Variants in TAFA1 observed in about 807,000 individuals in gnomAD.
The protein encoded by TAFA1 is chemokine-like protein TAFA-1.
Under a neutral mutation model 18.5 loss-of-function variants are expected in TAFA1, and 4 were observed. That is an observed-to-expected ratio of 0.22 (90% confidence interval 0.11 to 0.49). The LOEUF (loss-of-function observed/expected upper bound fraction) is 0.49. TAFA1 is among the 20% of genes least tolerant of loss of function. The probability of loss-of-function intolerance (pLI) is 0.98; values close to 1 mark genes in which losing one functional copy is unlikely to be tolerated. For missense variants in TAFA1, 147 were observed against 169.0 expected (o/e 0.87, Z 0.72); for synonymous variants, 56 against 55.2 (o/e 1.01, Z -0.06).
intron 2 of TAFA1, among the ~76,000 whole-genome samples, chr3:68,026,765 C>T (rs1460735278): frequency 6.6e-6 from 1 of 152,248 alleles, no homozygotes; most frequent in Middle Eastern, 3.4e-3. Context: ...CTTCTATGTA[C>T]CTTGTTTCTG....
chr3:68,054,012 A>T (rs1410147562), intron 2 of TAFA1, among the ~76,000 whole-genome samples: 1 of 152,150 alleles, frequency 6.6e-6, no homozygotes, highest in Admixed American at 6.6e-5. Context: ...ACCTACTTTT[A>T]CATTTTAAAA....
chr3:68,505,732 T>G (rs2072737866), intron 3 of TAFA1, among the ~76,000 whole-genome samples: 1 of 152,130 alleles, frequency 6.6e-6, no homozygotes, highest in Non-Finnish European at 1.5e-5. Flanking sequence ...TGCAATTCCC[T>G]GCCACAAGAC....
intron 2 of TAFA1, among the ~76,000 whole-genome samples, chr3:68,164,374 T>TA (rs2065959238): frequency 6.6e-6 from 1 of 152,222 alleles, no homozygotes; most frequent in South Asian, 2.1e-4. Flanking sequence ...TGTTGTAACT[T>TA]ATGCTATCAC....
intron 2 of TAFA1, among the ~76,000 whole-genome samples, chr3:68,150,295 C>T (rs2106919678): frequency 6.6e-6 from 1 of 152,254 alleles, no homozygotes; most frequent in African/African-American, 2.4e-5. Flanking sequence ...GTTTAATCAC[C>T]ACACTCAGAG....
intron 3 of TAFA1, among the ~76,000 whole-genome samples, chr3:68,480,335 G>A (rs976664378): frequency 3.9e-5 from 6 of 152,046 alleles, no homozygotes; most frequent in Admixed American, 6.5e-5. Flanking sequence ...CCTGGGAGGC[G>A]GAGGTTGCAG....
chr3:68,465,185 T>G (rs1362364384), intron 3 of TAFA1, among the ~76,000 whole-genome samples: 1 of 152,164 alleles, frequency 6.6e-6, no homozygotes, highest in African/African-American at 2.4e-5. Context: ...TTATTACCTC[T>G]TGATAAAAAT....
chr3:68,287,914 TGG>T (rs71112629), intron 2 of TAFA1, among the ~76,000 whole-genome samples: 4 of 53,288 alleles, frequency 7.5e-5, no homozygotes, highest in East Asian at 1.6e-3. Context: ...TGTTGGGGGG[TGG>T]GGGGGCTTTT....
At chr3:68,503,589 T>C (rs924730920) in intron 3 of TAFA1, among the ~76,000 whole-genome samples, 1 of 152,140 alleles carries the variant, frequency 6.6e-6, no homozygotes, top group Non-Finnish European at 1.5e-5. Flanking sequence ...GAAAATGTTC[T>C]GGAATTAACT....
At chr3:68,073,931 T>C (rs114827076) in intron 2 of TAFA1, among the ~76,000 whole-genome samples, 2,172 of 152,256 alleles carry the variant, frequency 0.014, 58 homozygotes, top group African/African-American at 0.049. Context: ...GGTTTTGGGA[T>C]GATTCAAGCA....
At chr3:68,357,782 G>A (rs867428045) in intron 2 of TAFA1, among the ~76,000 whole-genome samples, 4 of 151,940 alleles carry the variant, frequency 2.6e-5, no homozygotes, top group Admixed American at 6.6e-5. Flanking sequence ...AGAGATGTAA[G>A]TGTCCCTGAG....
intron 3 of TAFA1, among the ~76,000 whole-genome samples, chr3:68,473,235 TCTCA>T (rs989241126): frequency 7.9e-5 from 12 of 152,150 alleles, no homozygotes; most frequent in Admixed American, 2.0e-4. Flanking sequence ...CTCAGGAGCC[TCTCA>T]CTCACTGTAG....
At chr3:68,315,551 T>G in intron 2 of TAFA1, among the ~76,000 whole-genome samples, 1 of 152,166 alleles carries the variant, frequency 6.6e-6, no homozygotes, top group South Asian at 2.1e-4. Context: ...GCTTTAAAAA[T>G]CAAAAATGTC....
intron 3 of TAFA1, among the ~76,000 whole-genome samples, chr3:68,498,739 T>TTTTTTG: frequency 2.5e-5 from 1 of 39,868 alleles, no homozygotes; most frequent in African/African-American, 6.2e-5. Context: ...TTTTTTTTTT[T>TTTTTTG]TTTTTTTTTT....
intron 2 of TAFA1, among the ~76,000 whole-genome samples, chr3:68,066,406 G>C (rs1376381357): frequency 6.6e-6 from 1 of 152,172 alleles, no homozygotes; most frequent in African/African-American, 2.4e-5. Flanking sequence ...TAAATGCAAA[G>C]AAGGCATATA....
chr3:68,529,436 TAAAAAAA>T (rs533214097), intron 3 of TAFA1, among the ~76,000 whole-genome samples: 1,409 of 77,062 alleles, frequency 0.018, 22 homozygotes, highest in South Asian at 0.062. Flanking sequence ...CACCATTCTC[TAAAAAAA>T]AAAAAAAAAA....
chr3:68,533,586 T>C (rs2073225167), intron 3 of TAFA1, among the ~76,000 whole-genome samples: 4 of 152,172 alleles, frequency 2.6e-5, no homozygotes, highest in Admixed American at 1.3e-4. Context: ...ATTCGCCTTG[T>C]GCTTTCAGTA....
intron 2 of TAFA1, among the ~76,000 whole-genome samples, chr3:68,088,751 G>T (rs1041575795): frequency 4.6e-5 from 7 of 152,230 alleles, no homozygotes; most frequent in African/African-American, 1.7e-4. Context: ...AATTCTAAAA[G>T]ATTATCTTCA....
chr3:68,129,426 C>T (rs1023608079), intron 2 of TAFA1, among the ~76,000 whole-genome samples: 1 of 152,200 alleles, frequency 6.6e-6, no homozygotes, highest in Non-Finnish European at 1.5e-5. Context: ...TCAATCTCTT[C>T]AAGCTCCAGT....
At chr3:68,498,308 A>C (rs1031059376) in intron 3 of TAFA1, among the ~76,000 whole-genome samples, 6 of 152,174 alleles carry the variant, frequency 3.9e-5, no homozygotes, top group Non-Finnish European at 7.3e-5. Flanking sequence ...CATTTAATCC[A>C]CACATATGTA....
Sources: allele counts gnomAD v4.1 joint callset (sites outside exome capture counted in the v4.1 genomes callset), GRCh38; gene constraint gnomAD v4.1.1; transcripts MANE v1.5; gene names NCBI Gene and HGNC (gene_info 2026-07-23, HGNC 2026-07-21).